NLGN1: variants seen among roughly 807,000 people sequenced by gnomAD.
NLGN1 encodes the protein neuroligin 1.
NLGN1 carries 12 observed loss-of-function variants against 65.5 expected under a neutral mutation model. That is an observed-to-expected ratio of 0.18 (90% CI 0.12 to 0.30). NLGN1 has a LOEUF of 0.30. Ranked by LOEUF, NLGN1 falls within the 10% of genes least tolerant of loss-of-function variation. The probability of loss-of-function intolerance (pLI) is 1.00; values close to 1 mark genes in which losing one functional copy is unlikely to be tolerated. For missense variants in NLGN1, 750 were observed against 1,007.1 expected, an observed-to-expected ratio of 0.74 and a Z score of 3.46; for synonymous variants, 350 against 359.5, an observed-to-expected ratio of 0.97 and a Z score of 0.30.
intron 3 of NLGN1, among the ~76,000 whole-genome samples, chr3:173,792,698 G>A (rs1163012713): frequency 2.6e-5 from 4 of 152,094 alleles, no homozygotes; most frequent in Non-Finnish European, 5.9e-5. Context: ...GATAGTAAGA[G>A]GGTCTTATGG....
chr3:174,134,536 C>T (rs766319185), intron 4 of NLGN1, among the ~76,000 whole-genome samples: 5 of 152,122 alleles, frequency 3.3e-5, no homozygotes, highest in Non-Finnish European at 5.9e-5. Context: ...CCCTTCCAGA[C>T]TTTATACTGA....
intron 4 of NLGN1, among the ~76,000 whole-genome samples, chr3:173,929,641 A>T (rs1409949138): frequency 6.7e-6 from 1 of 150,356 alleles, no homozygotes; most frequent in Non-Finnish European, 1.5e-5. Flanking sequence ...TGAGAGAAAC[A>T]AATCTCCTTA....
intron 4 of NLGN1, among the ~76,000 whole-genome samples, chr3:174,211,548 G>A (rs1343763841): frequency 6.7e-6 from 1 of 148,874 alleles, no homozygotes; most frequent in Non-Finnish European, 1.5e-5. Flanking sequence ...GCCGATTGGT[G>A]TATTTACAAT....
In NLGN1 at chr3:173,925,110, G is replaced by A. The variant is rs148865357; in HGVS notation, c.646+117278G>A. On this transcript the variant is annotated intron_variant, in intron 4 of 6. Transcript: ENST00000457714. ...AAACCTATTTTTTTCTTTTGGTGGG[G>A]GAAGAAGATGAGAAGATAAAATGCA... 5.4e-3 allele frequency among the ~76,000 whole-genome samples: 818 copies of A among 152,044 alleles called. 11 individuals carry two copies. The highest frequency in any genetic ancestry group is 0.023 in the South Asian group (113 of 4,814).
At chr3:173,793,680 C>T (rs1713315831) in intron 3 of NLGN1, among the ~76,000 whole-genome samples, 1 of 152,090 alleles carries the variant, frequency 6.6e-6, no homozygotes. Flanking sequence ...ATTTTACTTG[C>T]AAACACAAAT....
intron 4 of NLGN1, among the ~76,000 whole-genome samples, chr3:174,211,416 A>G (rs987707701): frequency 6.6e-6 from 1 of 152,052 alleles, no homozygotes; most frequent in Non-Finnish European, 1.5e-5. Flanking sequence ...TTCCACACAC[A>G]GGTTCTTCAA....
chr3:173,854,859 G>A (rs1483350834), intron 4 of NLGN1, among the ~76,000 whole-genome samples: 3 of 151,952 alleles, frequency 2.0e-5, no homozygotes, highest in East Asian at 3.9e-4. Context: ...TACATCTAGC[G>A]GGTAGAAGAG....
chr3:173,414,999 G>C (rs983463977), intron 1 of NLGN1, among the ~76,000 whole-genome samples: 3 of 152,226 alleles, frequency 2.0e-5, no homozygotes, highest in Admixed American at 1.3e-4. Flanking sequence ...GATGCAGATG[G>C]AGACAAGAGG....
At chr3:174,054,631 A>G (rs551956312) in intron 4 of NLGN1, among the ~76,000 whole-genome samples, 1 of 152,040 alleles carries the variant, frequency 6.6e-6, no homozygotes, top group East Asian at 1.9e-4. Context: ...TCCACTGTGG[A>G]CGTGTGCATG....
At chr3:173,561,749 A>G (rs1182865249) in intron 2 of NLGN1, among the ~76,000 whole-genome samples, 1 of 152,198 alleles carries the variant, frequency 6.6e-6, no homozygotes, top group African/African-American at 2.4e-5. Context: ...TATTGAGTCC[A>G]TATACCATAT....
At chr3:174,178,720 A>C (rs1300763190) in intron 4 of NLGN1, among the ~76,000 whole-genome samples, 1 of 152,150 alleles carries the variant, frequency 6.6e-6, no homozygotes, top group Non-Finnish European at 1.5e-5. Flanking sequence ...ACATTAAAAA[A>C]ACTTTGTCTT....
intron 3 of NLGN1, among the ~76,000 whole-genome samples, chr3:173,780,912 C>T (rs1781026601): frequency 6.6e-6 from 1 of 152,026 alleles, no homozygotes; most frequent in Middle Eastern, 3.4e-3. Context: ...GAGGCCGAGG[C>T]GGGCGGATCA....
intron 4 of NLGN1, among the ~76,000 whole-genome samples, chr3:174,071,447 C>T (rs983861395): frequency 2.0e-5 from 3 of 151,816 alleles, no homozygotes; most frequent in Admixed American, 1.3e-4. Flanking sequence ...TTTGGGAGAC[C>T]GAGGTGGGTG....
intron 2 of NLGN1, among the ~76,000 whole-genome samples, chr3:173,470,309 C>G (rs955190787): frequency 6.6e-6 from 1 of 151,636 alleles, no homozygotes; most frequent in Non-Finnish European, 1.5e-5. Context: ...CCACACTGAA[C>G]TGCTTATGAT....
intron 4 of NLGN1, among the ~76,000 whole-genome samples, chr3:174,270,269 T>C (rs536592514): frequency 6.6e-6 from 1 of 151,678 alleles, no homozygotes; most frequent in South Asian, 2.1e-4. Context: ...ATCTATATTT[T>C]ATTTTAGGAG....
intron 4 of NLGN1, among the ~76,000 whole-genome samples, chr3:173,951,743 G>A (rs1276959002): frequency 1.3e-5 from 2 of 152,118 alleles, no homozygotes; most frequent in African/African-American, 4.8e-5. Context: ...TTACAGCCAT[G>A]AGCCACTGCG....
intron 3 of NLGN1, among the ~76,000 whole-genome samples, chr3:173,795,375 T>C (rs1406168132): frequency 1.3e-5 from 2 of 152,126 alleles, no homozygotes; most frequent in South Asian, 2.1e-4. Context: ...AGAAAGAAAA[T>C]TATTTTTCAG....
chr3:174,068,197 G>A (rs540723999), intron 4 of NLGN1, among the ~76,000 whole-genome samples: 1 of 152,040 alleles, frequency 6.6e-6, no homozygotes, highest in Admixed American at 6.6e-5. Context: ...AGCCCGCTCT[G>A]CCTAGGTACT....
intron 4 of NLGN1, among the ~76,000 whole-genome samples, chr3:173,926,410 C>G (rs1276885942): frequency 6.6e-6 from 1 of 152,136 alleles, no homozygotes; most frequent in East Asian, 1.9e-4. Context: ...TCAAGTATAA[C>G]TCGCAGCTTG....
Sources: allele counts gnomAD v4.1 joint callset (sites outside exome capture counted in the v4.1 genomes callset), GRCh38; gene constraint gnomAD v4.1.1; transcripts MANE v1.5; gene names NCBI Gene and HGNC (gene_info 2026-07-23, HGNC 2026-07-21).